PTPRD: variants seen among roughly 807,000 people sequenced by gnomAD.
PTPRD encodes the protein receptor-type tyrosine-protein phosphatase delta.
A neutral mutation model predicts 214.5 loss-of-function variants in PTPRD; 34 were observed. The observed-to-expected ratio is 0.16, with a 90% CI of 0.12 to 0.21. The LOEUF (loss-of-function observed/expected upper bound fraction) is 0.21, where lower values mean the gene tolerates loss of function less well. PTPRD is among the 10% of genes least tolerant of loss of function. The probability of loss-of-function intolerance (pLI) is 1.00; values close to 1 mark genes in which losing one functional copy is unlikely to be tolerated. For missense variants in PTPRD, 2,545 were observed against 2,398.7 expected (o/e 1.06, Z -1.27); for synonymous variants, 1,128 against 845.7 (o/e 1.33, Z -5.79).
chr9:9,715,861 T>C (rs1304626160), intron 7 of PTPRD, among the ~76,000 whole-genome samples: 3 of 152,184 alleles, frequency 2.0e-5, no homozygotes, highest in Non-Finnish European at 4.4e-5. Context: ...GTTATTATTA[T>C]TATTATTATA....
At chr9:8,504,871 C>T (rs529532056) in intron 22 of PTPRD, among the ~76,000 whole-genome samples, 2 of 152,258 alleles carry the variant, frequency 1.3e-5, no homozygotes, top group South Asian at 4.1e-4. Flanking sequence ...GCAAAGAAAA[C>T]ATGACCAGAA....
chr9:10,025,876 A>G (rs747252489), intron 4 of PTPRD, among the ~76,000 whole-genome samples: 7 of 152,204 alleles, frequency 4.6e-5, no homozygotes, highest in Non-Finnish European at 8.8e-5. Context: ...GAACATTTCA[A>G]CCTCACCACT....
intron 8 of PTPRD, among the ~76,000 whole-genome samples, chr9:9,564,933 C>G (rs1444780921): frequency 9.9e-6 from 1 of 101,002 alleles, no homozygotes; most frequent in Non-Finnish European, 1.8e-5. Flanking sequence ...CTAAGGCTAA[C>G]CTGTTATGGG....
At chr9:9,613,752 CT>C (rs2094681980) in intron 7 of PTPRD, among the ~76,000 whole-genome samples, 1 of 152,172 alleles carries the variant, frequency 6.6e-6, no homozygotes, top group Admixed American at 6.5e-5. Context: ...GGCCCACCCC[CT>C]AGTCTACTAG....
intron 3 of PTPRD, among the ~76,000 whole-genome samples, chr9:10,318,790 A>G (rs1421561163): frequency 1.3e-5 from 2 of 152,078 alleles, no homozygotes; most frequent in African/African-American, 2.4e-5. Context: ...TTTGTCTTTA[A>G]TGGGAACACT....
chr9:8,654,030 T>A (rs1016702914), intron 12 of PTPRD, among the ~76,000 whole-genome samples: 1 of 152,164 alleles, frequency 6.6e-6, no homozygotes, highest in Non-Finnish European at 1.5e-5. Context: ...TTCTTTGTTG[T>A]AGAGCCTGTC....
At chr9:8,454,824 G>C (rs1426780374) in intron 33 of PTPRD, among the ~76,000 whole-genome samples, 1 of 150,694 alleles carries the variant, frequency 6.6e-6, no homozygotes, top group Non-Finnish European at 1.5e-5. Flanking sequence ...GTGTGTGTGT[G>C]TGTGTGTGTG....
intron 7 of PTPRD, among the ~76,000 whole-genome samples, chr9:9,684,697 G>GTGTGTGTGTGTGTA (rs1564530248): frequency 6.6e-6 from 1 of 150,976 alleles, no homozygotes; most frequent in Non-Finnish European, 1.5e-5. Context: ...CAGCATTTGT[G>GTGTGTGTGTGTGTA]TGTGTGTGTG....
chr9:10,380,345 G>A (rs550845056), intron 2 of PTPRD, among the ~76,000 whole-genome samples: 1 of 152,172 alleles, frequency 6.6e-6, no homozygotes, highest in Non-Finnish European at 1.5e-5. Flanking sequence ...AATGCATTAT[G>A]GGTCAATACA....
chr9:9,257,094 T>C (rs1401902639), intron 9 of PTPRD, among the ~76,000 whole-genome samples: 2 of 151,972 alleles, frequency 1.3e-5, no homozygotes, highest in Non-Finnish European at 2.9e-5. Context: ...ATCTTAACTG[T>C]GGCCCATATG....
At chr9:10,294,257 G>A (rs957082182) in intron 3 of PTPRD, among the ~76,000 whole-genome samples, 1 of 151,826 alleles carries the variant, frequency 6.6e-6, no homozygotes, top group Non-Finnish European at 1.5e-5. Flanking sequence ...AGTTGATAAT[G>A]TTCAGTGGTT....
chr9:8,361,390 A>T (rs970481951), intron 39 of PTPRD, among the ~76,000 whole-genome samples: 1 of 152,208 alleles, frequency 6.6e-6, no homozygotes. Context: ...TTTGGGGTAC[A>T]AGCTTTCCAA....
chr9:9,515,931 A>T (rs1324562611), intron 8 of PTPRD, among the ~76,000 whole-genome samples: 1 of 152,102 alleles, frequency 6.6e-6, no homozygotes, highest in African/African-American at 2.4e-5. Flanking sequence ...TGACATGAGA[A>T]TATTTATGAG....
chr9:10,503,199 A>AAAAAAAAAAAC (rs1566569077), intron 2 of PTPRD, among the ~76,000 whole-genome samples: 1 of 132,066 alleles, frequency 7.6e-6, no homozygotes, highest in African/African-American at 3.3e-5. Flanking sequence ...AATACAAAAA[A>AAAAAAAAAAAC]AAAAAAAACA....
At chr9:8,853,049 A>T (rs1244148998) in intron 11 of PTPRD, among the ~76,000 whole-genome samples, 1 of 152,300 alleles carries the variant, frequency 6.6e-6, no homozygotes, top group East Asian at 1.9e-4. Flanking sequence ...TAAACTGTTA[A>T]GAGAAAAAAA....
chr9:10,224,632 C>A lies in PTPRD; in HGVS notation c.-545+116331G>T, dbSNP rs551449945. ...TTTTTAAGTATAATATTGATAGTTT[C>A]TTGTTAGAAAAAAATAATGTGCCAT... On this transcript the variant is annotated intron_variant, in intron 3 of 45. Transcript: ENST00000381196. Among the ~76,000 whole-genome samples, 3 of 151,982 alleles carry A rather than the reference C, an allele frequency of 2.0e-5. No homozygotes were observed. The South Asian group carries it at 6.2e-4, about 32-fold the overall frequency.
At chr9:9,254,497 T>C (rs911729185) in intron 9 of PTPRD, among the ~76,000 whole-genome samples, 7 of 152,094 alleles carry the variant, frequency 4.6e-5, no homozygotes, top group South Asian at 2.1e-4. Flanking sequence ...TATTTGTAGT[T>C]ATATATGATT....
intron 10 of PTPRD, among the ~76,000 whole-genome samples, chr9:9,116,346 C>T (rs2099812338): frequency 6.6e-6 from 1 of 152,120 alleles, no homozygotes; most frequent in Middle Eastern, 3.4e-3. Context: ...AGGCCATTAT[C>T]CTAAGCAAAG....
At chr9:10,072,323 C>A (rs2098037429) in intron 3 of PTPRD, among the ~76,000 whole-genome samples, 1 of 152,016 alleles carries the variant, frequency 6.6e-6, no homozygotes, top group Non-Finnish European at 1.5e-5. Context: ...AAAAACTGAT[C>A]ATGTCAATTG....
Sources: allele counts gnomAD v4.1 joint callset (sites outside exome capture counted in the v4.1 genomes callset), GRCh38; gene constraint gnomAD v4.1.1; transcripts MANE v1.5; gene names NCBI Gene and HGNC (gene_info 2026-07-23, HGNC 2026-07-21).